The following FMN1 variants were observed in gnomAD, a reference collection of about 807,000 sequenced individuals.
The protein encoded by FMN1 is formin 1.
In FMN1, 110 loss-of-function variants were observed where a neutral mutation model predicts 132.4. The observed-to-expected ratio is 0.83, with a 90% CI of 0.71 to 0.97. The LOEUF (loss-of-function observed/expected upper bound fraction) is 0.97, where lower values mean the gene tolerates loss of function less well. Among genes scored for constraint, FMN1 ranks in the 50% least tolerant of loss-of-function variants. The probability of loss-of-function intolerance (pLI) is 0.00; values close to 1 mark genes in which losing one functional copy is unlikely to be tolerated. For synonymous variants in FMN1, 722 were observed against 651.7 expected, an observed-to-expected ratio of 1.11 and a Z score of -1.64; for missense variants, 1,792 against 1,705.3, an observed-to-expected ratio of 1.05 and a Z score of -0.90.
chr15:32,864,144 C>T (rs2059339818), intron 16 of FMN1, among the ~76,000 whole-genome samples: 1 of 152,134 alleles, frequency 6.6e-6, no homozygotes, highest in South Asian at 2.1e-4. Context: ...GAAAAGGCCA[C>T]ACAAAGGGAG....
In FMN1 at chr15:32,981,542, TA is replaced by T. The variant is rs1330883347; in HGVS notation, c.2224-12066del. Among the ~76,000 whole-genome samples, 155 of 142,884 alleles carry T rather than the reference TA, an allele frequency of 1.1e-3. 3 individuals carry two copies. The highest frequency in any genetic ancestry group is 2.7e-3 in the African/African-American group (104 of 38,432). 93.7% of individuals were successfully genotyped at this position (142,884 alleles called of 152,430 possible). A position where few individuals can be genotyped will look rare whatever the true frequency, so the allele number is the denominator to read the frequency against. ...CAAATAATAATAATAATAATAATAA[TA>T]ATTATTATTATTATTATTATTACAT... On this transcript the variant is annotated intron_variant, in intron 7 of 20. Transcript: ENST00000616417.
chr15:32,876,776 G>C (rs765601356), intron 16 of FMN1, among the ~76,000 whole-genome samples: 1 of 152,176 alleles, frequency 6.6e-6, no homozygotes, highest in Non-Finnish European at 1.5e-5. Flanking sequence ...TGTCATTATG[G>C]AGTATGTAGG....
intron 10 of FMN1, among the ~76,000 whole-genome samples, chr15:32,918,894 A>T (rs912969084): frequency 6.6e-6 from 1 of 152,210 alleles, no homozygotes; most frequent in African/African-American, 2.4e-5. Context: ...TAGAAAGGGT[A>T]GGTGGGAGCC....
intron 18 of FMN1, among the ~76,000 whole-genome samples, chr15:32,801,126 T>C (rs1420577679): frequency 1.3e-5 from 2 of 152,202 alleles, no homozygotes; most frequent in Non-Finnish European, 2.9e-5. Context: ...TTGCAAATCC[T>C]GGTGCAGTTT....
Position 32,811,500 on chromosome 15 carries a change from T to C in FMN1, c.3929-7168A>G, listed in dbSNP as rs74923444. 4.8e-3 allele frequency among the ~76,000 whole-genome samples: 731 copies of C among 151,900 alleles called. 7 individuals carry two copies. Among genetic ancestry groups the C allele is most frequent in the African/African-American group, 0.017 (712 of 41,376 alleles). Reference sequence around the variant, plus strand: ...AAAGTACCAAGTAAAGGACATTGTGTCACTACACTCTGAAGAGGTCTTCAG... The same window carrying C: ...AAAGTACCAAGTAAAGGACATTGTGCCACTACACTCTGAAGAGGTCTTCAG... On this transcript the variant is annotated intron_variant, in intron 17 of 20. Transcript: ENST00000616417.
chr15:32,902,755 T>A (rs1020558), intron 12 of FMN1, among the ~76,000 whole-genome samples: 1 of 151,964 alleles, frequency 6.6e-6, no homozygotes, highest in African/African-American at 2.4e-5. Context: ...GTCTGAGTGG[T>A]TGGGCACTTG....
At chr15:32,887,823 A>G (rs1422201477) in intron 16 of FMN1, among the ~76,000 whole-genome samples, 4 of 152,226 alleles carry the variant, frequency 2.6e-5, no homozygotes, top group Non-Finnish European at 4.4e-5. Flanking sequence ...AAATGGGTTT[A>G]GTGTAGTTCC....
At chr15:33,178,037 C>A (rs143434902) in intron 3 of FMN1, among the ~76,000 whole-genome samples, 3 of 151,682 alleles carry the variant, frequency 2.0e-5, no homozygotes, top group African/African-American at 7.2e-5. Context: ...AAATATGAGG[C>A]GGGTACGGGC....
At chr15:32,777,584 A>G (rs2140874681) in intron 19 of FMN1, among the ~76,000 whole-genome samples, 1 of 145,804 alleles carries the variant, frequency 6.9e-6, no homozygotes, top group African/African-American at 2.5e-5. Context: ...ATTACGTATA[A>G]CATATAACAC....
intron 17 of FMN1, among the ~76,000 whole-genome samples, chr15:32,847,982 T>C (rs1259337078): frequency 6.6e-6 from 1 of 152,020 alleles, no homozygotes; most frequent in Non-Finnish European, 1.5e-5. Context: ...TGTGATTAGG[T>C]TTAAAGGATG....
intron 10 of FMN1, among the ~76,000 whole-genome samples, chr15:32,923,445 T>C (rs146169022): frequency 7.2e-5 from 11 of 152,350 alleles, no homozygotes; most frequent in South Asian, 4.1e-4. Flanking sequence ...CATATTCATC[T>C]GGAATGCATT....
In FMN1 at chr15:32,824,524, G is replaced by A. The variant is rs899416458; in HGVS notation, c.3929-20192C>T. ...ATTATCTCACCCATTCTGATCACTT[G>A]CTCTGTTCCCGCCACTGGCTCTTCT... is the stretch of plus-strand genomic sequence containing the variant. On this transcript the variant is annotated intron_variant, in intron 17 of 20. Transcript: ENST00000616417. 3.4e-4 allele frequency among the ~76,000 whole-genome samples: 52 copies of A among 152,252 alleles called. 1 individual carries two copies. The highest frequency in any genetic ancestry group is 1.6e-4 in the Non-Finnish European group (11 of 68,016).
intron 6 of FMN1, among the ~76,000 whole-genome samples, chr15:33,048,644 A>AAAAAAAAAAAAAAAAAAAAAAAAAAAC: frequency 4.6e-5 from 4 of 86,914 alleles, no homozygotes; most frequent in African/African-American, 1.6e-4. Context: ...AAAAAAAAAA[A>AAAAAAAAAAAAAAAAAAAAAAAAAAAC]AAAAACCAAC....
At chr15:33,100,159 G>T (rs1206547220) in intron 4 of FMN1, among the ~76,000 whole-genome samples, 1 of 141,834 alleles carries the variant, frequency 7.1e-6, no homozygotes, top group African/African-American at 2.6e-5. Flanking sequence ...AGTGCCTAAC[G>T]AAATGAATCT....
At chr15:32,920,646 T>C (rs2060798397) in intron 10 of FMN1, among the ~76,000 whole-genome samples, 1 of 152,162 alleles carries the variant, frequency 6.6e-6, no homozygotes, top group Non-Finnish European at 1.5e-5. Context: ...ACTCAAATCA[T>C]CCAAAACAGA....
At chr15:32,860,049 G>C (rs1490687496) in intron 16 of FMN1, among the ~76,000 whole-genome samples, 4 of 143,466 alleles carry the variant, frequency 2.8e-5, no homozygotes, top group African/African-American at 1.2e-4. Context: ...AAGAAAGAAT[G>C]AAAGAATGAA....
At chr15:33,160,115 A>C (rs905121174) in intron 3 of FMN1, among the ~76,000 whole-genome samples, 3 of 152,182 alleles carry the variant, frequency 2.0e-5, no homozygotes, top group Non-Finnish European at 4.4e-5. Context: ...AAAGTTGTTC[A>C]TGGATACCTG....
chr15:32,856,267 G>A lies in FMN1; in HGVS notation c.3928+748C>T, dbSNP rs2059129274. Among the ~76,000 whole-genome samples the A allele has an allele frequency of 1.7e-4, 26 of 152,258 alleles. No individual in the cohort carries two copies. The South Asian group carries it at 5.4e-3, about 32-fold the overall frequency. ...GTGTTTCCTCTAGCTTTCCAGCAGG[G>A]AAAAAAGCTGCCTGCAACAACCCCA... On this transcript the variant is annotated intron_variant, in intron 17 of 20. Coordinates refer to ENST00000616417, the MANE Select transcript of FMN1 (RefSeq NM_001277313.2).
At chr15:32,784,573 A>G (rs2140908214) in intron 19 of FMN1, among the ~76,000 whole-genome samples, 1 of 152,370 alleles carries the variant, frequency 6.6e-6, no homozygotes, top group Middle Eastern at 3.4e-3. Context: ...TCTGACAGCC[A>G]TAACCACAAG....
Sources: gnomAD v4.1 joint callset for allele counts (sites outside exome capture counted in the v4.1 genomes callset) on GRCh38, gnomAD v4.1.1 for gene constraint, MANE v1.5 for transcripts, NCBI Gene and HGNC (gene_info 2026-07-23, HGNC 2026-07-21) for gene names.